NPIPB11: variants seen among roughly 807,000 people sequenced by gnomAD.
NPIPB11 encodes the protein nuclear pore complex interacting protein family member B11, also known as nuclear pore complex-interacting protein family member B11.
NPIPB11 carries 17 observed loss-of-function variants against 32.8 expected under a neutral mutation model. That is an observed-to-expected ratio of 0.52 (90% CI 0.35 to 0.78). The LOEUF (loss-of-function observed/expected upper bound fraction) is 0.78. NPIPB11 is among the 30% of genes least tolerant of loss of function. The probability of loss-of-function intolerance (pLI) is 0.01; values close to 1 mark genes in which losing one functional copy is unlikely to be tolerated. For synonymous variants in NPIPB11, 209 were observed against 398.4 expected, an observed-to-expected ratio of 0.52 and a Z score of 5.66; for missense variants, 537 against 1,000.4, an observed-to-expected ratio of 0.54 and a Z score of 6.25.
At chr16:29,393,876 G>A (rs1207190436) in intron 3 of NPIPB11, 72 bp downstream of exon 3, 17 of 1,300,316 alleles carry the variant, frequency 1.3e-5, no homozygotes, top group Middle Eastern at 2.0e-4. Context: ...GTCCAGAAAT[G>A]TGAATTGTTT....
chr16:29,395,968 ACT>A (rs1300089348), intron 2 of NPIPB11, among the ~76,000 whole-genome samples: 5 of 149,452 alleles, frequency 3.3e-5, no homozygotes, highest in Admixed American at 1.3e-4. Flanking sequence ...ACAGAGCGAG[ACT>A]CTGTCTCAAA....
intron 2 of NPIPB11, among the ~76,000 whole-genome samples, chr16:29,396,763 A>AT (rs1963863127): frequency 7.5e-6 from 1 of 133,538 alleles, no homozygotes; most frequent in Non-Finnish European, 1.7e-5. Context: ...CTGTCTCAAA[A>AT]AAATAAATAA....
At chr16:29,382,322 C>T (rs1007949568) in exon 8 of NPIPB11, 1 of 1,566,544 alleles carries the variant, frequency 6.4e-7, no homozygotes, top group Admixed American at 1.8e-5. Context: ...ATATTATCAT[C>T]TGCTGAGGGT....
chr16:29,402,662 C>T (rs1255232883), intron 2 of NPIPB11, among the ~76,000 whole-genome samples: 2 of 147,870 alleles, frequency 1.4e-5, no homozygotes, highest in Non-Finnish European at 3.0e-5. Context: ...AAGATTGTGC[C>T]ACTGCACTCC....
chr16:29,390,515 T>C (rs2142124778), intron 3 of NPIPB11, among the ~76,000 whole-genome samples, 167 bp from the exon 4 acceptor site: 1 of 151,650 alleles, frequency 6.6e-6, no homozygotes, highest in South Asian at 2.1e-4. Flanking sequence ...TAGCCGGGCA[T>C]GGCAGCGGGC....
At chr16:29,391,781 C>T (rs560410172) in intron 3 of NPIPB11, among the ~76,000 whole-genome samples, 46 of 152,150 alleles carry the variant, frequency 3.0e-4, no homozygotes, top group African/African-American at 3.9e-4. Context: ...AGTGCAGTGG[C>T]GCTACCTTGG....
chr16:29,398,662 GCTAATT>G (rs1419633326), intron 2 of NPIPB11, among the ~76,000 whole-genome samples: 1 of 151,844 alleles, frequency 6.6e-6, no homozygotes, highest in African/African-American at 2.4e-5. Flanking sequence ...ATGATTAAAA[GCTAATT>G]CAAAATTATT....
chr16:29,400,107 G>A lies in NPIPB11; in HGVS notation c.120+3576C>T, dbSNP rs567883010. Reference sequence around the variant, plus strand: ...AAAAAAAAAGAAGCCCTCGGATTTCGGTTGTGTTGGTTGTAAAAGGAGAGA... The same window carrying A: ...AAAAAAAAAGAAGCCCTCGGATTTCAGTTGTGTTGGTTGTAAAAGGAGAGA... On this transcript the variant is annotated intron_variant, in intron 2 of 7. Coordinates refer to ENST00000524087, the Ensembl canonical transcript of NPIPB11. 3.7e-3 allele frequency among the ~76,000 whole-genome samples: 554 copies of A among 151,648 alleles called. 5 individuals are homozygous for A. Among genetic ancestry groups the A allele is most frequent in the Middle Eastern group, 6.8e-3 (2 of 292 alleles).
chr16:29,382,284 T>A, exon 8 of NPIPB11: 1 of 1,598,566 alleles, frequency 6.3e-7, no homozygotes, highest in East Asian at 2.3e-5. Context: ...CCACAGACGC[T>A]CCCCGCAGAC....
chr16:29,397,368 G>A (rs1268311381), intron 2 of NPIPB11, among the ~76,000 whole-genome samples: 5 of 150,856 alleles, frequency 3.3e-5, no homozygotes, highest in Non-Finnish European at 5.9e-5. Flanking sequence ...CACCAGGCCC[G>A]ACTAATCTTT....
chr16:29,399,749 G>C (rs1239259755), intron 2 of NPIPB11, among the ~76,000 whole-genome samples: 1 of 150,964 alleles, frequency 6.6e-6, no homozygotes, highest in Non-Finnish European at 1.5e-5. Flanking sequence ...CAAAACTATG[G>C]AATTCAATTC....
chr16:29,397,019 A>G (rs1963871290), intron 2 of NPIPB11, among the ~76,000 whole-genome samples: 1 of 151,544 alleles, frequency 6.6e-6, no homozygotes, highest in African/African-American at 2.4e-5. Flanking sequence ...GTGGTGGTCT[A>G]CTAAAAATAC....
At chr16:29,397,367 C>T (rs964288639) in intron 2 of NPIPB11, among the ~76,000 whole-genome samples, 21 of 151,332 alleles carry the variant, frequency 1.4e-4, no homozygotes, top group Non-Finnish European at 8.8e-5. Context: ...CCACCAGGCC[C>T]GACTAATCTT....
intron 2 of NPIPB11, among the ~76,000 whole-genome samples, chr16:29,399,687 G>C (rs1963943207): frequency 6.6e-6 from 1 of 151,798 alleles, no homozygotes; most frequent in South Asian, 2.1e-4. Context: ...GACAGAGCGA[G>C]ACTCTGTCTC....
intron 2 of NPIPB11, among the ~76,000 whole-genome samples, chr16:29,402,821 G>A (rs1386756612): frequency 5.1e-5 from 7 of 137,196 alleles, no homozygotes; most frequent in Non-Finnish European, 1.5e-5. Flanking sequence ...CATTTTAAAA[G>A]ACAAGATAAT....
chr16:29,393,217 T>C (rs1596677476), intron 3 of NPIPB11, among the ~76,000 whole-genome samples: 1 of 151,398 alleles, frequency 6.6e-6, no homozygotes, highest in Non-Finnish European at 1.5e-5. Context: ...TCATTGATTC[T>C]CTTGGAGGGC....
chr16:29,388,990 T>C (rs1414262830), intron 5 of NPIPB11, among the ~76,000 whole-genome samples: 1 of 144,154 alleles, frequency 6.9e-6, no homozygotes, highest in Non-Finnish European at 1.5e-5. Context: ...ATGTCAGGAG[T>C]TCTAGACCAG....
chr16:29,394,092 T>C lies in NPIPB11; in HGVS notation c.121-16A>G, dbSNP rs1232377638. 1 of 1,594,572 alleles carries C rather than the reference T, an allele frequency of 6.3e-7. No individual in the cohort carries two copies. The highest frequency in any genetic ancestry group is 8.5e-7 in the Non-Finnish European group (1 of 1,178,216). ...TATTGATAACCTGGAATAATAATAG[T>C]TGAAATAATGAAAAGGTCAATGACA... On this transcript the variant is annotated splice_polypyrimidine_tract_variant and intron_variant, in intron 2 of 7. Transcript: ENST00000524087.
chr16:29,398,929 G>T (rs1002450867), intron 2 of NPIPB11, among the ~76,000 whole-genome samples: 2 of 151,846 alleles, frequency 1.3e-5, no homozygotes, highest in Admixed American at 6.6e-5. Flanking sequence ...GCCTGTGTGT[G>T]TGGACTTTAA....
Sources: gnomAD v4.1 joint callset for allele counts (sites outside exome capture counted in the v4.1 genomes callset) on GRCh38, gnomAD v4.1.1 for gene constraint, MANE v1.5 for transcripts, NCBI Gene and HGNC (gene_info 2026-07-23, HGNC 2026-07-21) for gene names.